Variants in SLC35F4 observed in about 807,000 individuals in gnomAD.
The protein encoded by SLC35F4 is chromosome 14 open reading frame 36.
A neutral mutation model predicts 44.2 loss-of-function variants in SLC35F4; 24 were observed. The observed-to-expected ratio is 0.54, with a 90% CI of 0.39 to 0.76. The LOEUF is 0.76. Among genes scored for constraint, SLC35F4 ranks in the 30% least tolerant of loss-of-function variants. The pLI, the probability that SLC35F4 is intolerant of heterozygous loss-of-function variation, is 0.00. For synonymous variants in SLC35F4, 238 were observed against 223.6 expected, an observed-to-expected ratio of 1.06 and a Z score of -0.57; for missense variants, 562 against 586.1, an observed-to-expected ratio of 0.96 and a Z score of 0.42.
chr14:57,815,165 A>T (rs1408405430), intron 1 of SLC35F4, among the ~76,000 whole-genome samples: 5 of 152,212 alleles, frequency 3.3e-5, no homozygotes, highest in Admixed American at 3.3e-4. Flanking sequence ...CCAACCCTTT[A>T]TTTAGAATAA....
At chr14:57,723,409 G>C (rs1411298113) in intron 1 of SLC35F4, among the ~76,000 whole-genome samples, 2 of 152,208 alleles carry the variant, frequency 1.3e-5, no homozygotes, top group Admixed American at 6.5e-5. Context: ...CCACCATCAA[G>C]GACTTGAAAG....
intron 1 of SLC35F4, among the ~76,000 whole-genome samples, chr14:57,730,619 G>A (rs1189076036): frequency 2.0e-5 from 3 of 152,152 alleles, no homozygotes; most frequent in African/African-American, 7.2e-5. Flanking sequence ...TTGTTCTTAT[G>A]AGGAACTCTT....
At chr14:57,849,600 C>T (rs1886369912) in intron 1 of SLC35F4, among the ~76,000 whole-genome samples, 1 of 152,026 alleles carries the variant, frequency 6.6e-6, no homozygotes, top group Non-Finnish European at 1.5e-5. Context: ...GAATAAAATG[C>T]TATATTTTTA....
At chr14:57,569,676 G>T (rs539893103) in intron 6 of SLC35F4, 112 bp downstream of exon 6, 10 of 1,203,448 alleles carry the variant, frequency 8.3e-6, no homozygotes, top group East Asian at 2.7e-5. Flanking sequence ...AACAACATAA[G>T]TTTGGGAACT....
At chr14:57,845,956 T>A (rs1024158557) in intron 1 of SLC35F4, among the ~76,000 whole-genome samples, 7 of 152,174 alleles carry the variant, frequency 4.6e-5, no homozygotes, top group Non-Finnish European at 1.0e-4. Flanking sequence ...ATAATCAGAA[T>A]GTAACAGAAG....
At chr14:57,719,083 T>C (rs2076015507) in intron 1 of SLC35F4, among the ~76,000 whole-genome samples, 3 of 152,202 alleles carry the variant, frequency 2.0e-5, no homozygotes, top group Admixed American at 6.5e-5. Context: ...GCAGCATTGA[T>C]TGAAAATACT....
intron 1 of SLC35F4, among the ~76,000 whole-genome samples, chr14:57,876,079 C>A (rs560104320): frequency 6.6e-6 from 1 of 152,146 alleles, no homozygotes; most frequent in African/African-American, 2.4e-5. Context: ...AAACTGCAAC[C>A]TTTTGCATGA....
chr14:57,760,739 G>T (rs1310052556), intron 1 of SLC35F4, among the ~76,000 whole-genome samples: 1 of 152,080 alleles, frequency 6.6e-6, no homozygotes, highest in African/African-American at 2.4e-5. Context: ...TTCTCCCAAT[G>T]CCCCTTAAAT....
intron 1 of SLC35F4, among the ~76,000 whole-genome samples, chr14:57,655,466 G>A (rs192805877): frequency 4.1e-4 from 62 of 152,216 alleles, no homozygotes; most frequent in Admixed American, 1.8e-3. Flanking sequence ...TCAGCGCTGT[G>A]GAGTCTTATC....
intron 1 of SLC35F4, among the ~76,000 whole-genome samples, chr14:57,944,704 AAAG>A: frequency 1.4e-5 from 1 of 70,382 alleles, no homozygotes; most frequent in Non-Finnish European, 3.1e-5. Context: ...GAAAAGAAAG[AAAG>A]AAAGAAAGAA....
chr14:57,763,879 C>T (rs540137331), intron 1 of SLC35F4, among the ~76,000 whole-genome samples: 194 of 152,200 alleles, frequency 1.3e-3, no homozygotes, highest in African/African-American at 4.4e-3. Flanking sequence ...AATTAACCTA[C>T]CCATTAAACC....
chr14:57,812,638 G>C (rs1022961224), intron 1 of SLC35F4, among the ~76,000 whole-genome samples: 1 of 152,020 alleles, frequency 6.6e-6, no homozygotes, highest in Non-Finnish European at 1.5e-5. Flanking sequence ...TTTATGCTCT[G>C]ACATTTTCTA....
At chr14:57,839,769 G>GA (rs1385028401) in intron 1 of SLC35F4, among the ~76,000 whole-genome samples, 2 of 152,032 alleles carry the variant, frequency 1.3e-5, no homozygotes, top group Non-Finnish European at 2.9e-5. Context: ...AAAAGTTGCA[G>GA]AAAAAAATGT....
At chr14:57,727,192 T>C (rs540906120) in intron 1 of SLC35F4, among the ~76,000 whole-genome samples, 1 of 151,744 alleles carries the variant, frequency 6.6e-6, no homozygotes, top group Non-Finnish European at 1.5e-5. Context: ...CCCTAATACA[T>C]AGACTTTCCA....
chr14:57,777,587 T>G (rs1460571022), intron 1 of SLC35F4, among the ~76,000 whole-genome samples: 1 of 150,978 alleles, frequency 6.6e-6, no homozygotes, highest in Non-Finnish European at 1.5e-5. Context: ...TGAGAACACA[T>G]GGACACAGGG....
At chr14:57,811,415 T>C (rs1881951042) in intron 1 of SLC35F4, among the ~76,000 whole-genome samples, 1 of 152,180 alleles carries the variant, frequency 6.6e-6, no homozygotes, top group Non-Finnish European at 1.5e-5. Context: ...TCAGGAGGCC[T>C]AAAACAATCA....
intron 1 of SLC35F4, among the ~76,000 whole-genome samples, chr14:57,731,537 T>C (rs1263015746): frequency 1.3e-5 from 2 of 152,170 alleles, no homozygotes; most frequent in African/African-American, 4.8e-5. Context: ...GGCAGACATA[T>C]GGTTGTCTTC....
At chr14:57,624,404 T>C (rs1215988099) in intron 1 of SLC35F4, among the ~76,000 whole-genome samples, 1 of 152,172 alleles carries the variant, frequency 6.6e-6, no homozygotes, top group African/African-American at 2.4e-5. Flanking sequence ...CTTCTGAAAC[T>C]ATTCCAAACA....
upstream of SLC35F4, among the ~76,000 whole-genome samples, chr14:57,870,124 C>CTGTGTGTGTGTGTG (rs34282878): frequency 6.1e-4 from 89 of 146,174 alleles, no homozygotes; most frequent in African/African-American, 2.1e-3. Flanking sequence ...TGTCTATGAT[C>CTGTGTGTGTGTGTG]TGTGTGTGTG....
Sources: allele counts gnomAD v4.1 joint callset (sites outside exome capture counted in the v4.1 genomes callset), GRCh38; gene constraint gnomAD v4.1.1; transcripts MANE v1.5; gene names NCBI Gene and HGNC (gene_info 2026-07-23, HGNC 2026-07-21).